The following AP3D1 variants were observed in gnomAD, a reference collection of about 807,000 sequenced individuals.
AP3D1 encodes the protein adaptor related protein complex 3 subunit delta 1, also known as AP-3 complex subunit delta-1.
AP3D1 carries 51 observed loss-of-function variants against 147.6 expected under a neutral mutation model. That is an observed-to-expected ratio of 0.35 (90% confidence interval 0.28 to 0.44). The LOEUF is 0.44. Ranked by LOEUF, AP3D1 falls within the 20% of genes least tolerant of loss-of-function variation. The pLI is 1.00. For synonymous variants in AP3D1, 760 were observed against 663.0 expected (o/e 1.15, Z -2.25); for missense variants, 1,421 against 1,624.2 (o/e 0.87, Z 2.15).
At chr19:2,159,221 CTTTT>C (rs1226347011) in intron 1 of AP3D1, among the ~76,000 whole-genome samples, 1 of 139,564 alleles carries the variant, frequency 7.2e-6, no homozygotes, top group African/African-American at 2.6e-5. Context: ...ATCTCTCTCT[CTTTT>C]TTTTTTTTTT....
chr19:2,125,724 C>T lies in AP3D1; in HGVS notation c.856+1428G>A, dbSNP rs116500290. Among the ~76,000 whole-genome samples, 1,169 of 151,934 alleles carry T rather than the reference C, an allele frequency of 7.7e-3. 5 individuals are homozygous for T. The highest frequency in any genetic ancestry group is 0.013 in the African/African-American group (547 of 41,392). ...ATGTATTTTAAACAGAAATGTAGGCCGGGCGCGGTGTGTAGATGTGTTAAT... is the reference window on the plus strand; with the variant it reads ...ATGTATTTTAAACAGAAATGTAGGCTGGGCGCGGTGTGTAGATGTGTTAAT... On this transcript the variant is annotated intron_variant, in intron 9 of 31. Coordinates refer to ENST00000643116, the MANE Select transcript of AP3D1 (RefSeq NM_001261826.3).
intron 1 of AP3D1, 64 bp downstream of exon 1, chr19:2,151,175 C>A: frequency 1.3e-6 from 2 of 1,494,878 alleles, no homozygotes; most frequent in Non-Finnish European, 1.8e-6. Flanking sequence ...GCCCAGTGAG[C>A]AGGGCTGGGC....
At chr19:2,135,725 G>A (rs943138211) in intron 4 of AP3D1, among the ~76,000 whole-genome samples, 2 of 152,146 alleles carry the variant, frequency 1.3e-5, no homozygotes, top group Non-Finnish European at 2.9e-5. Flanking sequence ...TGAGCACCTC[G>A]CAAGGCAGCG....
intron 15 of AP3D1, among the ~76,000 whole-genome samples, chr19:2,118,143 G>C (rs1568284376): frequency 6.6e-6 from 1 of 152,174 alleles, no homozygotes; most frequent in South Asian, 2.1e-4. Flanking sequence ...CTGGGCAAAG[G>C]AGTGAAACTC....
chr19:2,160,737 C>T (rs2144607119), intron 1 of AP3D1, among the ~76,000 whole-genome samples: 1 of 152,238 alleles, frequency 6.6e-6, no homozygotes, highest in Non-Finnish European at 1.5e-5. Flanking sequence ...GAGAAATCAA[C>T]TGTTCAGAAT....
At chr19:2,121,675 C>T (rs544093810) in intron 12 of AP3D1, 59 bp downstream of exon 12, 2 of 1,522,660 alleles carry the variant, frequency 1.3e-6, no homozygotes, top group African/African-American at 1.4e-5. Flanking sequence ...GCACCTGACA[C>T]TTAATGTCCC....
chr19:2,149,539 G>A (rs1365716407), intron 1 of AP3D1, among the ~76,000 whole-genome samples: 5 of 128,068 alleles, frequency 3.9e-5, no homozygotes, highest in African/African-American at 8.1e-5. Flanking sequence ...GTGAAACTCC[G>A]TCTCAAAAAA....
rs1040191096 is a variant in AP3D1 at position 2,101,731 on chromosome 19, C to T, written c.*442G>A. ...GCGACAGCGGCCCTTCCTTCCCCTC[C>T]CCCGGACGCAACCGTCAGGACCTTT... On this transcript the variant is annotated 3_prime_UTR_variant, in exon 32 of 32. Transcript: ENST00000643116. The T allele has an allele frequency of 6.4e-6, 1 of 157,244 alleles. No individual in the cohort carries two copies. The highest frequency in any genetic ancestry group is 2.4e-5 in the African/African-American group (1 of 41,590). The allele number at this position is 157,244 out of a possible 1,614,324, so 9.7% of individuals were successfully genotyped here.
At chr19:2,136,938 G>C in intron 4 of AP3D1, 73 bp downstream of exon 4, 1 of 1,373,718 alleles carries the variant, frequency 7.3e-7, no homozygotes, top group Non-Finnish European at 1.0e-6. Flanking sequence ...AGGAAGACGC[G>C]TGTGGGAACC....
intron 1 of AP3D1, among the ~76,000 whole-genome samples, chr19:2,141,615 C>T (rs1399509593): frequency 6.6e-6 from 1 of 151,868 alleles, no homozygotes; most frequent in African/African-American, 2.4e-5. Context: ...CTAATTTTTG[C>T]ATTTTTAGCA....
intron 4 of AP3D1, among the ~76,000 whole-genome samples, chr19:2,134,434 TAAGAA>T (rs1044088387): frequency 1.7e-4 from 25 of 148,560 alleles, no homozygotes; most frequent in African/African-American, 5.5e-4. Flanking sequence ...AAAAAAAAAG[TAAGAA>T]AATAATTTTT....
chr19:2,105,661 G>C (rs1207644314), intron 31 of AP3D1, among the ~76,000 whole-genome samples: 4 of 152,128 alleles, frequency 2.6e-5, no homozygotes, highest in African/African-American at 9.7e-5. Flanking sequence ...TCACACCTCT[G>C]TATTTCTGTG....
intron 1 of AP3D1, among the ~76,000 whole-genome samples, chr19:2,147,890 A>C (rs1371022907): frequency 2.0e-5 from 3 of 151,652 alleles, no homozygotes; most frequent in East Asian, 3.9e-4. Context: ...TCTCAAAAAA[A>C]AAAAGAAAAA....
chr19:2,110,951 C>A (rs2018257351), intron 26 of AP3D1, 55 bp from the exon 27 acceptor site: 1 of 1,564,098 alleles, frequency 6.4e-7, no homozygotes, highest in African/African-American at 1.3e-5. Context: ...AGGGAACAGG[C>A]ACAGCCACCT....
chr19:2,119,699 CAAA>C (rs954635585), intron 14 of AP3D1, among the ~76,000 whole-genome samples: 2 of 25,332 alleles, frequency 7.9e-5, no homozygotes, highest in Non-Finnish European at 1.5e-4. Context: ...GACTCTGTCT[CAAA>C]AAAAAAAAAA....
intron 31 of AP3D1, among the ~76,000 whole-genome samples, chr19:2,106,352 C>T (rs777497962): frequency 1.3e-5 from 2 of 152,098 alleles, no homozygotes; most frequent in Non-Finnish European, 1.5e-5. Context: ...AGTTCCACAT[C>T]AGTCTGGCCA....
chr19:2,111,449 G>C, intron 25 of AP3D1, 117 bp from the exon 26 acceptor site: 1 of 1,384,980 alleles, frequency 7.2e-7, no homozygotes, highest in Non-Finnish European at 1.0e-6. Flanking sequence ...CTTGGGGCAA[G>C]GGGCTTCAAA....
chr19:2,126,773 G>T (rs574117731), intron 9 of AP3D1, among the ~76,000 whole-genome samples: 8 of 152,264 alleles, frequency 5.3e-5, no homozygotes, highest in Middle Eastern at 6.8e-3. Flanking sequence ...CAGAAAAAAT[G>T]CAGTGTACTG....
rs1217493970 is a variant in AP3D1 at position 2,121,593 on chromosome 19, C to T, written c.1101+141G>A. ...AGACAGGCATGGACCAGGACTGGCG[C>T]CCCTCTGCCCTGCCCCACCACACTA... On this transcript the variant is annotated intron_variant, in intron 12 of 31. Transcript: ENST00000643116. 5 of 1,236,066 alleles carry T rather than the reference C, an allele frequency of 4.0e-6. No individual in the cohort carries two copies. The African/African-American group carries it at 7.6e-5, about 19-fold the overall frequency. 76.6% of individuals were successfully genotyped at this position (1,236,066 alleles called of 1,614,324 possible).
Sources: allele counts gnomAD v4.1 joint callset (sites outside exome capture counted in the v4.1 genomes callset), GRCh38; gene constraint gnomAD v4.1.1; transcripts MANE v1.5; gene names NCBI Gene and HGNC (gene_info 2026-07-23, HGNC 2026-07-21).